The following LRRC8C variants were observed in gnomAD, a reference collection of about 807,000 sequenced individuals.
LRRC8C encodes the protein volume-regulated anion channel subunit LRRC8C.
In LRRC8C, 20 loss-of-function variants were observed where a neutral mutation model predicts 55.3. The observed-to-expected ratio is 0.36, with a 90% CI of 0.25 to 0.53. The LOEUF (loss-of-function observed/expected upper bound fraction) is 0.53, where lower values mean the gene tolerates loss of function less well. LRRC8C is among the 20% of genes least tolerant of loss of function. LRRC8C has a pLI of 0.92. For missense variants in LRRC8C, 659 were observed against 951.4 expected (o/e 0.69, Z 4.04); for synonymous variants, 376 against 360.7 (o/e 1.04, Z -0.48).
chr1:89,695,003 C>T (rs1466811397), intron 2 of LRRC8C, among the ~76,000 whole-genome samples: 1 of 150,458 alleles, frequency 6.6e-6, no homozygotes, highest in Admixed American at 6.6e-5. Context: ...CTCACTGCAA[C>T]CTCCACCTCC....
intron 1 of LRRC8C, among the ~76,000 whole-genome samples, chr1:89,685,199 A>G (rs892221974): frequency 4.1e-5 from 6 of 147,160 alleles, no homozygotes; most frequent in East Asian, 2.0e-4. Context: ...GCTCACTGCA[A>G]GCTCCGCTTC....
chr1:89,624,526 T>C, the LRRC8C span, among the ~76,000 whole-genome samples: 2 of 152,322 alleles, frequency 1.3e-5, no homozygotes, highest in South Asian at 4.1e-4. Context: ...AGAACAAAGC[T>C]GCACTATTAC....
rs566520887 is a variant in LRRC8C at position 89,711,471 on chromosome 1, G to T, written c.139-1238G>T. 9.7e-4 allele frequency among the ~76,000 whole-genome samples: 148 copies of T among 152,310 alleles called. 1 individual carries two copies. Among genetic ancestry groups the T allele is most frequent in the Non-Finnish European group, 1.8e-3 (121 of 68,024 alleles). ...ATTTTCAGCCATTTGACATTTTAAG[G>T]TACAAATAGACTTTCCCTGCGTTAT... On this transcript the variant is annotated intron_variant, in intron 2 of 2. Coordinates refer to ENST00000370454, the MANE Select transcript of LRRC8C (RefSeq NM_032270.5).
chr1:89,618,468 T>A, the LRRC8C span, among the ~76,000 whole-genome samples: 1 of 152,216 alleles, frequency 6.6e-6, no homozygotes, highest in Non-Finnish European at 1.5e-5. Context: ...TCATTTTATA[T>A]GTGTTGAAAG....
Position 89,686,463 on chromosome 1 carries a change from T to G in LRRC8C, c.-4-7T>G. 1 of 1,614,030 alleles carries G rather than the reference T, an allele frequency of 6.2e-7. No individual in the cohort carries two copies. Among genetic ancestry groups the G allele is most frequent in the Non-Finnish European group, 8.5e-7 (1 of 1,180,006 alleles). On this transcript the variant is annotated splice_region_variant and splice_polypyrimidine_tract_variant and intron_variant, in intron 1 of 2. Coordinates refer to ENST00000370454, the MANE Select transcript of LRRC8C (RefSeq NM_032270.5). ...AATTGATTTACAAGTAATCTCTCCTTTCTCAGAAACATGATTCCCGTGACA... is the reference window on the plus strand; with the variant it reads ...AATTGATTTACAAGTAATCTCTCCTGTCTCAGAAACATGATTCCCGTGACA...
intron 1 of LRRC8C, among the ~76,000 whole-genome samples, chr1:89,660,351 CA>C (rs1356829821): frequency 1.3e-5 from 2 of 152,142 alleles, no homozygotes; most frequent in Non-Finnish European, 2.9e-5. Flanking sequence ...ACCTCACCTA[CA>C]TGTTGGAATC....
At chr1:89,705,843 TAGAC>T (rs570243740) in intron 2 of LRRC8C, among the ~76,000 whole-genome samples, 15 of 152,062 alleles carry the variant, frequency 9.9e-5, no homozygotes, top group East Asian at 1.9e-4. Context: ...ATAAAATACA[TAGAC>T]AGACATAACT....
Position 89,714,893 on chromosome 1 carries a change from C to A in LRRC8C, c.2323C>A (p.Arg775=). Residue 775 remains arginine, a synonymous_variant, in exon 3 of 3, where the codon CGG becomes AGG. Coordinates refer to ENST00000370454, the MANE Select transcript of LRRC8C (RefSeq NM_032270.5). This position sits in a 1 kb window ranked among gnomAD's most constrained non-coding sequence, Gnocchi z 4.6. The part of the protein sequence containing the change: ...EILPPELGDC[R]ALKRAGLVVE... ...CCTCCCTCCTGAACTGGGTGACTGT[C>A]GGGCTCTGAAGCGAGCTGGTTTAGT... The A allele has an allele frequency of 6.2e-7, 1 of 1,614,080 alleles. No homozygotes were observed. The highest frequency in any genetic ancestry group is 1.1e-5 in the South Asian group (1 of 91,060).
the LRRC8C span, among the ~76,000 whole-genome samples, chr1:89,627,545 A>G: frequency 6.2e-4 from 94 of 152,306 alleles, no homozygotes; most frequent in Non-Finnish European, 2.5e-4. Context: ...AAAAAGCACA[A>G]ATCAATGCAA....
rs1334320078 is a variant in LRRC8C at position 89,718,072 on chromosome 1, T to C, written c.*3090T>C. Reference sequence around the variant, plus strand: ...AAAGAAGACCACACCTCAGAAATTATTGCATTTTCTCATTATGTGTTGGGT... The same window carrying C: ...AAAGAAGACCACACCTCAGAAATTACTGCATTTTCTCATTATGTGTTGGGT... On this transcript the variant is annotated 3_prime_UTR_variant, in exon 3 of 3. Coordinates refer to ENST00000370454, the MANE Select transcript of LRRC8C (RefSeq NM_032270.5). 1 of 152,206 alleles carries C rather than the reference T, an allele frequency of 6.6e-6. No homozygotes were observed. The highest frequency in any genetic ancestry group is 6.5e-5 in the Admixed American group (1 of 15,286). 9.4% of individuals were successfully genotyped at this position (152,206 alleles called of 1,614,324 possible).
At chr1:89,636,824 T>G (rs1656297534) in intron 1 of LRRC8C, among the ~76,000 whole-genome samples, 1 of 152,252 alleles carries the variant, frequency 6.6e-6, no homozygotes, top group African/African-American at 2.4e-5. Flanking sequence ...CTAATGCTAT[T>G]TTAAAATTTT....
At chr1:89,705,194 A>G (rs1404141106) in intron 2 of LRRC8C, among the ~76,000 whole-genome samples, 1 of 145,976 alleles carries the variant, frequency 6.9e-6, no homozygotes, top group Non-Finnish European at 1.5e-5. Context: ...AACACCGCAT[A>G]TTCTCACTCA....
intron 1 of LRRC8C, among the ~76,000 whole-genome samples, chr1:89,671,851 C>T (rs944908989): frequency 6.6e-6 from 1 of 152,178 alleles, no homozygotes; most frequent in Admixed American, 6.5e-5. Flanking sequence ...CATGAATCTG[C>T]AGAAAGCATG....
chr1:89,686,252 T>C (rs1258554777), intron 1 of LRRC8C, among the ~76,000 whole-genome samples: 3 of 152,138 alleles, frequency 2.0e-5, no homozygotes, highest in South Asian at 2.1e-4. Context: ...AACCTTGTCA[T>C]TGGACAAGAA....
At position 89,659,073 on chromosome 1, in the gene LRRC8C, G is replaced by A. The variant is rs1268533977; in HGVS notation, c.-5+25751G>A. On this transcript the variant is annotated intron_variant, in intron 1 of 2. Transcript: ENST00000370454. ...GTTTTTTTTTTTTTTGTGTGTGTGTGTGTGTGTGTGTGTGTGTGTGTGTGT... is the reference window on the plus strand; with the variant it reads ...GTTTTTTTTTTTTTTGTGTGTGTGTATGTGTGTGTGTGTGTGTGTGTGTGT... Among the ~76,000 whole-genome samples, 5 of 120,174 alleles carry A rather than the reference G, an allele frequency of 4.2e-5. 1 individual carries two copies. Among genetic ancestry groups the A allele is most frequent in the African/African-American group, 1.4e-4 (4 of 29,380 alleles). 78.8% of individuals were successfully genotyped at this position (120,174 alleles called of 152,430 possible). A position where few individuals can be genotyped will look rare whatever the true frequency, so the allele number is the denominator to read the frequency against.
intron 1 of LRRC8C, among the ~76,000 whole-genome samples, chr1:89,683,969 G>A (rs1657798189): frequency 6.6e-6 from 1 of 151,962 alleles, no homozygotes; most frequent in African/African-American, 2.4e-5. Context: ...AGGCATTAAA[G>A]GGATTTGCAA....
chr1:89,677,088 G>T (rs1657572505), intron 1 of LRRC8C, among the ~76,000 whole-genome samples: 2 of 152,178 alleles, frequency 1.3e-5, no homozygotes. Flanking sequence ...ACAATTAAAA[G>T]GATTTTTCTT....
chr1:89,642,167 C>T (rs1656475310), intron 1 of LRRC8C, among the ~76,000 whole-genome samples: 2 of 152,182 alleles, frequency 1.3e-5, no homozygotes, highest in African/African-American at 4.8e-5. Flanking sequence ...GTACTTGTAA[C>T]TGTGGTAACC....
At chr1:89,635,737 C>A (rs982904586) in intron 1 of LRRC8C, among the ~76,000 whole-genome samples, 7 of 152,284 alleles carry the variant, frequency 4.6e-5, no homozygotes, top group Admixed American at 2.0e-4. Flanking sequence ...GTTTCTAAAA[C>A]CCATGTTCTT....
Sources: allele counts gnomAD v4.1 joint callset (sites outside exome capture counted in the v4.1 genomes callset), GRCh38; gene constraint gnomAD v4.1.1; non-coding constraint Gnocchi (gnomAD v3.1); transcripts MANE v1.5; gene names NCBI Gene and HGNC (gene_info 2026-07-23, HGNC 2026-07-21).